The following DUSP19 variants were observed in gnomAD, a reference collection of about 807,000 sequenced individuals.
The protein encoded by DUSP19 is dual specificity protein phosphatase 19.
DUSP19 carries 14 observed loss-of-function variants against 16.6 expected under a neutral mutation model. That is an observed-to-expected ratio of 0.84 (90% CI 0.56 to 1.32). DUSP19 has a LOEUF of 1.32. Ranked by LOEUF, DUSP19 falls within the 40% of genes most tolerant of loss-of-function variation. The pLI is 0.00. For synonymous variants in DUSP19, 81 were observed against 90.5 expected (o/e 0.90, Z 0.59); for missense variants, 258 against 255.9 (o/e 1.01, Z -0.06).
chr2:183,080,407 G>A (rs1699577395), intron 1 of DUSP19, among the ~76,000 whole-genome samples: 1 of 152,128 alleles, frequency 6.6e-6, no homozygotes, highest in African/African-American at 2.4e-5. Context: ...CCAAATAAAT[G>A]TCTCTAACTA....
intron 3 of DUSP19, 69 bp from the exon 4 acceptor site, chr2:183,095,362 A>G: frequency 8.1e-7 from 1 of 1,228,680 alleles, no homozygotes; most frequent in South Asian, 1.4e-5. Flanking sequence ...TAGTATAAGA[A>G]TGTGCAATTG....
chr2:183,093,243 G>C (rs1699755475), intron 3 of DUSP19, among the ~76,000 whole-genome samples: 1 of 152,104 alleles, frequency 6.6e-6, no homozygotes, highest in Non-Finnish European at 1.5e-5. Context: ...ATAGCAAAAT[G>C]GTGATTTTGA....
At position 183,087,155 on chromosome 2, in the gene DUSP19, C is replaced by T. The variant is rs764032628; in HGVS notation, c.389C>T (p.Pro130Leu). Residue 130 changes from proline (P) to leucine (L), a missense_variant, in exon 3 of 4, where the codon CCA (proline) becomes CTA (leucine). Pro to Leu is a moderately conservative substitution (Grantham distance 98). Coordinates refer to ENST00000354221, the MANE Select transcript of DUSP19 (RefSeq NM_080876.4). ...GAAACCAACATCCTGTCTTATTTTC[C>T]AGAATGTTTTGAATTTATTGAAGAA... ...LPETNILSYF[P>L]ECFEFIEEAK... 2 of 1,613,070 alleles carry T rather than the reference C, an allele frequency of 1.2e-6. No homozygotes were observed. The highest frequency in any genetic ancestry group is 1.1e-5 in the South Asian group (1 of 90,966).
At position 183,097,666 on chromosome 2, in the gene DUSP19, G is replaced by T. The variant is rs1699820759; in HGVS notation, c.*2008G>T. The T allele has an allele frequency of 6.6e-6, 1 of 152,058 alleles. No individual in the cohort carries two copies. Among genetic ancestry groups the T allele is most frequent in the South Asian group, 2.1e-4 (1 of 4,822 alleles). 9.4% of individuals were successfully genotyped at this position (152,058 alleles called of 1,614,324 possible). On this transcript the variant is annotated 3_prime_UTR_variant, in exon 4 of 4. Coordinates refer to ENST00000354221, the MANE Select transcript of DUSP19 (RefSeq NM_080876.4). ...AGTGAGCTCTTTGAAGCCAACCAAG[G>T]CAGGCAGAACCCTCTTAAATATGAG...
rs1459306020 is a variant in DUSP19 at position 183,099,489 on chromosome 2, T to A, written c.*3831T>A. On this transcript the variant is annotated 3_prime_UTR_variant, in exon 4 of 4. Coordinates refer to ENST00000354221, the MANE Select transcript of DUSP19 (RefSeq NM_080876.4). Reference sequence around the variant, plus strand: ...CAAACTTATGGTTTGTTTCAATTGATGCACACAAAAAATAACTTATAGTTA... The same window carrying A: ...CAAACTTATGGTTTGTTTCAATTGAAGCACACAAAAAATAACTTATAGTTA... 6.6e-6 allele frequency: 1 copy of A among 152,218 alleles called. No individual in the cohort carries two copies. The highest frequency in any genetic ancestry group is 1.5e-5 in the Non-Finnish European group (1 of 68,028). 9.4% of individuals were successfully genotyped at this position (152,218 alleles called of 1,614,324 possible). A position where few individuals can be genotyped will look rare whatever the true frequency, so the allele number is the denominator to read the frequency against.
chr2:183,090,876 C>T (rs530172572), intron 3 of DUSP19, among the ~76,000 whole-genome samples: 6 of 152,322 alleles, frequency 3.9e-5, no homozygotes, highest in Admixed American at 2.6e-4. Flanking sequence ...CTGAGGCCAG[C>T]AGGCCTCTTG....
At chr2:183,086,847 A>AAGAG (rs112053945) in intron 2 of DUSP19, among the ~76,000 whole-genome samples, 193 bp from the exon 3 acceptor site, 3 of 150,032 alleles carry the variant, frequency 2.0e-5, no homozygotes, top group African/African-American at 4.9e-5. Context: ...AATAAGTTAA[A>AAGAG]AGAGAGAGAG....
At chr2:183,082,639 G>T (rs536789795) in intron 1 of DUSP19, among the ~76,000 whole-genome samples, 1 of 152,044 alleles carries the variant, frequency 6.6e-6, no homozygotes, top group East Asian at 1.9e-4. Context: ...GGCCAGGCTT[G>T]TCTCAAACTC....
chr2:183,092,074 A>G (rs936471587), intron 3 of DUSP19, among the ~76,000 whole-genome samples: 1 of 152,128 alleles, frequency 6.6e-6, no homozygotes, highest in African/African-American at 2.4e-5. Context: ...ATAAACCAAG[A>G]CATTGCTTAG....
In DUSP19 at chr2:183,099,966, C is replaced by T. The variant is rs1699853670; in HGVS notation, c.*4308C>T. Reference sequence around the variant, plus strand: ...GAGCCGAGATAGCACCACTGCACTTCTAGTTGACAGAGTGAGACTCTGACT... The same window carrying T: ...GAGCCGAGATAGCACCACTGCACTTTTAGTTGACAGAGTGAGACTCTGACT... On this transcript the variant is annotated 3_prime_UTR_variant, in exon 4 of 4. Coordinates refer to ENST00000354221, the MANE Select transcript of DUSP19 (RefSeq NM_080876.4). 1 of 146,502 alleles carries T rather than the reference C, an allele frequency of 6.8e-6. No homozygotes were observed. Among genetic ancestry groups the T allele is most frequent in the Admixed American group, 6.9e-5 (1 of 14,468 alleles). 9.1% of individuals were successfully genotyped at this position (146,502 alleles called of 1,614,324 possible).
chr2:183,093,500 A>G (rs1193421633), intron 3 of DUSP19, among the ~76,000 whole-genome samples: 6 of 152,196 alleles, frequency 3.9e-5, no homozygotes, highest in Admixed American at 6.5e-5. Flanking sequence ...AAAGGAAAAA[A>G]AAAGTGGTTT....
At position 183,083,500 on chromosome 2, in the gene DUSP19, T is replaced by G; in HGVS notation, c.227-8T>G. Reference sequence around the variant, plus strand: ...TGTGTTCAAGGTGGTATCATTTATTTCTTCTAGGGTCACAAGATGCTGCTC... The same window carrying G: ...TGTGTTCAAGGTGGTATCATTTATTGCTTCTAGGGTCACAAGATGCTGCTC... On this transcript the variant is annotated splice_region_variant and splice_polypyrimidine_tract_variant and intron_variant, in intron 1 of 3. Coordinates refer to ENST00000354221, the MANE Select transcript of DUSP19 (RefSeq NM_080876.4). The G allele has an allele frequency of 6.2e-7, 1 of 1,602,450 alleles. No homozygotes were observed. Among genetic ancestry groups the G allele is most frequent in the South Asian group, 1.1e-5 (1 of 87,890 alleles).
intron 3 of DUSP19, among the ~76,000 whole-genome samples, chr2:183,093,184 G>A (rs1242004440): frequency 2.6e-5 from 4 of 152,072 alleles, no homozygotes; most frequent in African/African-American, 4.8e-5. Flanking sequence ...TCTATGAAAT[G>A]GAAATAACAT....
intron 3 of DUSP19, among the ~76,000 whole-genome samples, chr2:183,088,413 T>G (rs1440259555): frequency 8.1e-5 from 12 of 147,694 alleles, no homozygotes; most frequent in Admixed American, 1.3e-4. Context: ...TTTTTTTGTT[T>G]TTTTTTTTTT....
In DUSP19 at chr2:183,079,048, A is replaced by G. The variant is rs369746076; in HGVS notation, c.115A>G (p.Arg39Gly). 18 of 1,614,076 alleles carry G rather than the reference A, an allele frequency of 1.1e-5. No individual in the cohort carries two copies. The highest frequency in any genetic ancestry group is 1.4e-5 in the Non-Finnish European group (16 of 1,180,024). The change falls in exon 1 of 4, where the codon AGA becomes GGA. Residue 39 changes from arginine (R) to glycine (G), a missense_variant. Coordinates refer to ENST00000354221, the MANE Select transcript of DUSP19 (RefSeq NM_080876.4). ...KKIIETWKDA[R>G]IHVVEEVEPS... ...AATTATAGAAACATGGAAAGATGCC[A>G]GAATTCATGTTGTGGAAGAAGTAGA... is the stretch of plus-strand genomic sequence containing the variant.
intron 1 of DUSP19, among the ~76,000 whole-genome samples, chr2:183,081,112 T>A (rs1052471260): frequency 3.9e-5 from 6 of 152,338 alleles, no homozygotes; most frequent in Admixed American, 1.3e-4. Flanking sequence ...CTTTTTTAGT[T>A]CGTAAACTCT....
chr2:183,089,558 T>C (rs1042515472), intron 3 of DUSP19, among the ~76,000 whole-genome samples: 1 of 100,224 alleles, frequency 1.0e-5, no homozygotes, highest in Non-Finnish European at 2.4e-5. Flanking sequence ...AGTACGCCTG[T>C]CTATACTGTG....
chr2:183,094,699 G>T (rs527910255), intron 3 of DUSP19, among the ~76,000 whole-genome samples: 1 of 152,070 alleles, frequency 6.6e-6, no homozygotes, highest in Non-Finnish European at 1.5e-5. Flanking sequence ...ACTTCACATT[G>T]TTATGAGCTA....
intron 2 of DUSP19, 47 bp from the exon 3 acceptor site, chr2:183,086,993 C>G: frequency 6.4e-7 from 1 of 1,571,484 alleles, no homozygotes; most frequent in African/African-American, 1.4e-5. Context: ...TTTAGGTAAC[C>G]TAATTCATGG....
Sources: gnomAD v4.1 joint callset for allele counts (sites outside exome capture counted in the v4.1 genomes callset) on GRCh38, gnomAD v4.1.1 for gene constraint, MANE v1.5 for transcripts, NCBI Gene and HGNC (gene_info 2026-07-23, HGNC 2026-07-21) for gene names.